FHL1: variants seen among roughly 807,000 people sequenced by gnomAD.
FHL1 encodes four and a half LIM domains 1, also known as four and a half LIM domains protein 1.
A neutral mutation model predicts 20.3 loss-of-function variants in FHL1; 1 was observed. The ratio of observed to expected loss-of-function variants is 0.05; its 90% CI spans 0.02 to 0.23. The LOEUF is 0.23. FHL1 is among the 10% of genes least tolerant of loss of function. The probability of loss-of-function intolerance (pLI) is 1.00; values close to 1 mark genes in which losing one functional copy is unlikely to be tolerated. For synonymous variants in FHL1, 82 were observed against 88.9 expected (o/e 0.92, Z 0.44); for missense variants, 177 against 234.0 (o/e 0.76, Z 1.59).
intron 1 of FHL1, among the ~76,000 whole-genome samples, chrX:136,155,661 A>G (rs2072393983): frequency 9.0e-6 from 1 of 110,708 alleles, no homozygotes; most frequent in East Asian, 2.8e-4. Context: ...CAACTCTCCT[A>G]GCTTCCTGTA....
upstream of FHL1, among the ~76,000 whole-genome samples, chrX:136,167,675 C>T (rs1397740913): frequency 9.0e-6 from 1 of 111,703 alleles, no homozygotes; most frequent in Non-Finnish European, 1.9e-5. Context: ...CTGTCCTTTC[C>T]CCACCTGTAG....
intron 5 of FHL1, 152 bp from the exon 6 acceptor site, chrX:136,209,719 G>T (rs1220814047): frequency 4.7e-6 from 3 of 639,742 alleles, no homozygotes; most frequent in African/African-American, 2.3e-5. Context: ...GGAGGAGGGG[G>T]TCTGGGAGCC....
rs762045318 is a variant in FHL1, at chrX:136,209,583, G to A, written c.737-288G>A. The A allele has an allele frequency of 1.4e-4, 92 of 636,183 alleles. 2 individuals carry two copies. In the South Asian group the frequency reaches 2.2e-3, roughly 15 times the overall value. 52.4% of individuals were successfully genotyped at this position (636,183 alleles called of 1,213,427 possible). On this transcript the variant is annotated intron_variant, in intron 5 of 5. Coordinates refer to ENST00000370683, the MANE Select transcript of FHL1 (RefSeq NM_001159699.2). Reference sequence around the variant, plus strand: ...GGCAATAGCGTGGTGGCATGGGAACGTGGGGTCTTTACATCAGGGAAGCCC... The same window carrying A: ...GGCAATAGCGTGGTGGCATGGGAACATGGGGTCTTTACATCAGGGAAGCCC...
chrX:136,194,176 A>T (rs139777429), upstream of FHL1, among the ~76,000 whole-genome samples: 1,041 of 112,268 alleles, frequency 9.3e-3, 7 homozygotes, highest in Middle Eastern at 0.023. Flanking sequence ...GTAACACTTT[A>T]TACCTTTCTT....
chrX:136,183,256 A>T (rs1038366043), intron 2 of FHL1, among the ~76,000 whole-genome samples: 2 of 111,436 alleles, frequency 1.8e-5, no homozygotes, highest in African/African-American at 6.5e-5. Flanking sequence ...ATATTTGGAG[A>T]GTTGTAAGAA....
intron 1 of FHL1, among the ~76,000 whole-genome samples, chrX:136,150,262 G>A (rs774977373): frequency 1.4e-4 from 16 of 112,081 alleles, no homozygotes; most frequent in African/African-American, 5.2e-4. Context: ...TCTAAAGTTT[G>A]AGCATTAAAA....
upstream of FHL1, among the ~76,000 whole-genome samples, chrX:136,164,772 G>GGTTGCATATATTCCTATGCAAA (rs1314698098): frequency 9.9e-4 from 110 of 111,213 alleles, no homozygotes; most frequent in African/African-American, 3.4e-3. Flanking sequence ...TATTTTACAG[G>GGTTGCATATATTCCTATGCAAA]GTTGCATATA....
At chrX:136,169,508 AAG>A (rs1168825491), upstream of FHL1, 1 of 193,021 alleles carries the variant, frequency 5.2e-6, no homozygotes, top group Non-Finnish European at 9.4e-6. Flanking sequence ...AAGATGTTAA[AAG>A]AGAGAGAGAG....
At position 136,175,557 on chromosome X, in the gene FHL1, G is replaced by T. The variant is rs151126232; in HGVS notation, c.-27+5577G>T. The stretch of plus-strand genomic sequence containing the variant: ...TGTTATTTGTGAGGACAAAAAGAAA[G>T]AATTTAAATGTCTAATGTGAAAAAA... On this transcript the variant is annotated intron_variant, in intron 2 of 6. Transcript: ENST00000394153. 9.5e-4 allele frequency among the ~76,000 whole-genome samples: 106 copies of T among 111,475 alleles called. 1 individual carries two copies. The highest frequency in any genetic ancestry group is 3.2e-3 in the African/African-American group (100 of 30,918).
rs180761354 is a variant in FHL1 at position 136,150,226 on chromosome X, T to C, written c.-101+2598T>C. Among the ~76,000 whole-genome samples the C allele has an allele frequency of 9.8e-5, 11 of 112,298 alleles. No homozygotes were observed. In the East Asian group the frequency reaches 2.5e-3, roughly 26 times the overall value. Reference sequence around the variant, plus strand: ...GCATTTGAAAATTTGTAAATCACGTTTTCATGTAAGAAATTAACCCTCACC... The same window carrying C: ...GCATTTGAAAATTTGTAAATCACGTCTTCATGTAAGAAATTAACCCTCACC... On this transcript the variant is annotated intron_variant, in intron 1 of 7. Transcript: ENST00000394155.
chrX:136,209,987 G>A lies in FHL1; in HGVS notation c.853G>A (p.Glu285Lys). ...LANKRFVFHQEQVYCPDCAKK... is the reference protein window; with the variant it reads ...LANKRFVFHQKQVYCPDCAKK... ...CAACAAGCGCTTTGTTTTCCACCAG[G>A]AGCAAGTGTATTGTCCCGACTGTGC... Residue 285 changes from glutamate (E) to lysine (K), a missense_variant, in exon 6 of 6, where the codon GAG becomes AAG. Transcript: ENST00000370683. 6 of 1,211,351 alleles carry A rather than the reference G, an allele frequency of 5.0e-6. No homozygotes were observed. The highest frequency in any genetic ancestry group is 6.7e-6 in the Non-Finnish European group (6 of 895,417).
chrX:136,210,650 G>T lies in FHL1; in HGVS notation c.*625G>T, dbSNP rs1405153241. On this transcript the variant is annotated 3_prime_UTR_variant, in exon 6 of 6. Transcript: ENST00000370683. The stretch of plus-strand genomic sequence containing the variant: ...GTACTAACGTTTGGTTTCCCCGTGT[G>T]GCATGTTTTCTGAGCGTTCCTACTT... 2.6e-6 allele frequency: 1 copy of T among 389,917 alleles called. No individual in the cohort carries two copies. Among genetic ancestry groups the T allele is most frequent in the Non-Finnish European group, 4.8e-6 (1 of 207,006 alleles). The allele number at this position is 389,917 out of a possible 1,213,427, so 32.1% of individuals were successfully genotyped here. A position where few individuals can be genotyped will look rare whatever the true frequency, so the allele number is the denominator to read the frequency against.
intron 1 of FHL1, among the ~76,000 whole-genome samples, chrX:136,160,289 C>G (rs1321373976): frequency 9.0e-6 from 1 of 111,603 alleles, no homozygotes; most frequent in Admixed American, 9.5e-5. Context: ...ATCACTCAAG[C>G]ACTGTGTATC....
intron 1 of FHL1, among the ~76,000 whole-genome samples, chrX:136,154,987 G>T (rs1358669453): frequency 8.9e-6 from 1 of 112,268 alleles, no homozygotes; most frequent in Non-Finnish European, 1.9e-5. Flanking sequence ...GATTACAGGC[G>T]TGAGCCACCA....
intron 2 of FHL1, among the ~76,000 whole-genome samples, chrX:136,181,072 T>G (rs777111508): frequency 5.0e-4 from 56 of 112,495 alleles, no homozygotes; most frequent in African/African-American, 1.7e-3. Flanking sequence ...GTAAAGGTTA[T>G]TAATGTCAAC....
At chrX:136,180,815 C>T (rs2073135917) in intron 2 of FHL1, among the ~76,000 whole-genome samples, 1 of 110,561 alleles carries the variant, frequency 9.0e-6, no homozygotes, top group Non-Finnish European at 1.9e-5. Flanking sequence ...GATCTCGGCT[C>T]ACTGCAACCT....
At chrX:136,196,852 G>A (rs1490753415), upstream of FHL1, 1 of 1,164,294 alleles carries the variant, frequency 8.6e-7, no homozygotes, top group Non-Finnish European at 1.1e-6. Flanking sequence ...TGGATGCTGA[G>A]TAGCCCCGCA....
chrX:136,154,246 C>T (rs1241592985), intron 1 of FHL1, among the ~76,000 whole-genome samples: 1 of 112,491 alleles, frequency 8.9e-6, no homozygotes, highest in African/African-American at 3.2e-5. Flanking sequence ...TGGGAGTATA[C>T]TATAAAGGAT....
upstream of FHL1, chrX:136,168,116 C>A (rs2072762342): frequency 8.9e-6 from 1 of 112,285 alleles, no homozygotes; most frequent in Non-Finnish European, 1.9e-5. Flanking sequence ...TACGTCCTTA[C>A]CTCTATGAGG....
Sources: allele counts gnomAD v4.1 joint callset (sites outside exome capture counted in the v4.1 genomes callset), GRCh38; gene constraint gnomAD v4.1.1; transcripts MANE v1.5; gene names NCBI Gene and HGNC (gene_info 2026-07-23, HGNC 2026-07-21).